CSMD1: variants seen among roughly 807,000 people sequenced by gnomAD.
CSMD1 encodes CUB and Sushi multiple domains 1, also known as CUB and sushi domain-containing protein 1.
Under a neutral mutation model 417.5 loss-of-function variants are expected in CSMD1, and 213 were observed. That is an observed-to-expected ratio of 0.51 (90% confidence interval 0.46 to 0.57). The LOEUF (loss-of-function observed/expected upper bound fraction) is 0.57. Ranked by LOEUF, CSMD1 falls within the 20% of genes least tolerant of loss-of-function variation. The pLI is 0.00. For synonymous variants in CSMD1, 2,862 were observed against 1,736.8 expected, an observed-to-expected ratio of 1.65 and a Z score of -16.11; for missense variants, 6,923 against 4,529.7, an observed-to-expected ratio of 1.53 and a Z score of -15.17.
At chr8:4,141,824 A>G (rs1803809497) in intron 3 of CSMD1, among the ~76,000 whole-genome samples, 2 of 151,268 alleles carry the variant, frequency 1.3e-5, no homozygotes, top group South Asian at 4.1e-4. Flanking sequence ...CTGAACATAT[A>G]ATTCATCATT....
chr8:4,173,454 CAGA>C (rs1419839060), intron 3 of CSMD1, among the ~76,000 whole-genome samples: 1 of 151,902 alleles, frequency 6.6e-6, no homozygotes, highest in Non-Finnish European at 1.5e-5. Context: ...TACTGAAGCA[CAGA>C]AGAAGAGATA....
chr8:3,373,260 T>C (rs1053667286), intron 18 of CSMD1: 6 of 152,186 alleles, frequency 3.9e-5, no homozygotes, highest in African/African-American at 1.2e-4. Flanking sequence ...TGGGAGGGAA[T>C]GTGCTCTGCC....
chr8:3,615,480 C>A lies in CSMD1; in HGVS notation c.1097+1230G>T, dbSNP rs1159791695. On this transcript the variant is annotated intron_variant, in intron 8 of 69. Coordinates refer to ENST00000635120, the MANE Select transcript of CSMD1 (RefSeq NM_033225.6). The stretch of plus-strand genomic sequence containing the variant: ...TGGATTTCAGCGAAAACACAAACTT[C>A]TTAATATATTAGTCAAGATGTGTAA... Among the ~76,000 whole-genome samples the A allele has an allele frequency of 2.0e-5, 3 of 152,162 alleles. No homozygotes were observed. In the East Asian group the frequency reaches 5.8e-4, roughly 29 times the overall value.
intron 2 of CSMD1, among the ~76,000 whole-genome samples, chr8:4,453,952 G>C (rs1219568701): frequency 2.0e-5 from 3 of 149,976 alleles, no homozygotes; most frequent in Non-Finnish European, 4.4e-5. Context: ...CTCCCGAGTA[G>C]CTGGGACTAC....
intron 5 of CSMD1, among the ~76,000 whole-genome samples, chr8:3,762,529 C>T (rs1188226320): frequency 1.3e-5 from 2 of 152,236 alleles, no homozygotes; most frequent in Admixed American, 1.3e-4. Flanking sequence ...TCCTCTGTGA[C>T]TCAGCGAGTC....
chr8:3,762,049 C>A (rs1455352850), intron 5 of CSMD1, among the ~76,000 whole-genome samples: 1 of 152,102 alleles, frequency 6.6e-6, no homozygotes, highest in Non-Finnish European at 1.5e-5. Flanking sequence ...CTCCTATAGT[C>A]AATTTTTTAA....
At chr8:4,461,090 G>A (rs1281328341) in intron 2 of CSMD1, among the ~76,000 whole-genome samples, 3 of 150,576 alleles carry the variant, frequency 2.0e-5, no homozygotes, top group Non-Finnish European at 4.4e-5. Context: ...TCTCAGGAAT[G>A]CAAGATAGGC....
intron 33 of CSMD1, among the ~76,000 whole-genome samples, chr8:3,194,130 C>A (rs1317420985): frequency 6.6e-6 from 1 of 152,146 alleles, no homozygotes; most frequent in Non-Finnish European, 1.5e-5. Flanking sequence ...GAATTGCAAG[C>A]AAAATTTTAC....
chr8:4,137,221 T>A (rs1034256982), intron 3 of CSMD1, among the ~76,000 whole-genome samples: 4 of 152,224 alleles, frequency 2.6e-5, no homozygotes, highest in East Asian at 1.9e-4. Flanking sequence ...TTGCCTTTAA[T>A]TAATTCTCCA....
At chr8:3,852,451 G>C (rs1444047913) in intron 5 of CSMD1, among the ~76,000 whole-genome samples, 1 of 152,180 alleles carries the variant, frequency 6.6e-6, no homozygotes, top group African/African-American at 2.4e-5. Flanking sequence ...GAAGAGGGTA[G>C]GGCTGCAGGG....
chr8:4,229,673 G>A (rs575390872), intron 3 of CSMD1, among the ~76,000 whole-genome samples: 40 of 152,058 alleles, frequency 2.6e-4, no homozygotes, highest in East Asian at 3.9e-4. Flanking sequence ...AGTGAAGTTC[G>A]TTCTCACCAT....
At chr8:4,363,372 G>A (rs1801886426) in intron 3 of CSMD1, among the ~76,000 whole-genome samples, 1 of 152,154 alleles carries the variant, frequency 6.6e-6, no homozygotes, top group African/African-American at 2.4e-5. Flanking sequence ...GCATGTGCGT[G>A]CATGCTTTAT....
At chr8:4,864,894 A>ACACACACG (rs1317458118) in intron 1 of CSMD1, among the ~76,000 whole-genome samples, 2 of 150,094 alleles carry the variant, frequency 1.3e-5, no homozygotes, top group South Asian at 4.2e-4. Context: ...ACACACACAC[A>ACACACACG]CAAACACACA....
intron 52 of CSMD1, among the ~76,000 whole-genome samples, chr8:3,009,884 C>T (rs1808249713): frequency 6.6e-6 from 1 of 152,206 alleles, no homozygotes; most frequent in South Asian, 2.1e-4. Flanking sequence ...TGAATGACAG[C>T]TTTTTTAAAC....
chr8:3,115,993 C>T (rs1816842248), intron 42 of CSMD1, among the ~76,000 whole-genome samples: 1 of 152,160 alleles, frequency 6.6e-6, no homozygotes, highest in Non-Finnish European at 1.5e-5. Context: ...CATGAAGATA[C>T]TGGGTTGTCA....
chr8:3,254,545 C>T (rs1263473834), intron 26 of CSMD1, among the ~76,000 whole-genome samples: 1 of 152,152 alleles, frequency 6.6e-6, no homozygotes, highest in South Asian at 2.1e-4. Flanking sequence ...TTCACATAGT[C>T]CCATATTTCT....
chr8:3,732,720 A>C (rs567871329), intron 6 of CSMD1, among the ~76,000 whole-genome samples: 1 of 152,302 alleles, frequency 6.6e-6, no homozygotes, highest in East Asian at 1.9e-4. Flanking sequence ...CCCCAGATGA[A>C]CTGAACCTTC....
intron 51 of CSMD1, among the ~76,000 whole-genome samples, chr8:3,027,262 G>A (rs1280232867): frequency 6.6e-6 from 1 of 152,144 alleles, no homozygotes; most frequent in Non-Finnish European, 1.5e-5. Flanking sequence ...GCTTTCCCCA[G>A]CACACTGCAT....
At chr8:4,466,405 A>G (rs377434631) in intron 2 of CSMD1, among the ~76,000 whole-genome samples, 22 of 151,988 alleles carry the variant, frequency 1.4e-4, no homozygotes, top group African/African-American at 5.1e-4. Flanking sequence ...AAACAAAGCC[A>G]AAAAAAACAC....
Sources: allele counts gnomAD v4.1 joint callset (sites outside exome capture counted in the v4.1 genomes callset), GRCh38; gene constraint gnomAD v4.1.1; transcripts MANE v1.5; gene names NCBI Gene and HGNC (gene_info 2026-07-23, HGNC 2026-07-21).